MAGI1: variants seen among roughly 807,000 people sequenced by gnomAD.
The protein encoded by MAGI1 is membrane-associated guanylate kinase, WW and PDZ domain-containing protein 1.
MAGI1 carries 58 observed loss-of-function variants against 139.9 expected under a neutral mutation model. That is an observed-to-expected ratio of 0.41 (90% confidence interval 0.34 to 0.52). The LOEUF (loss-of-function observed/expected upper bound fraction) is 0.52, where lower values mean the gene tolerates loss of function less well. Among genes scored for constraint, MAGI1 ranks in the 20% least tolerant of loss-of-function variants. MAGI1 has a pLI of 0.12. For missense variants in MAGI1, 1,874 were observed against 1,901.6 expected (o/e 0.99, Z 0.27); for synonymous variants, 812 against 737.9 (o/e 1.10, Z -1.63).
chr3:65,508,759 CAAAAG>C (rs1466256608), intron 2 of MAGI1, among the ~76,000 whole-genome samples: 1 of 152,088 alleles, frequency 6.6e-6, no homozygotes, highest in African/African-American at 2.4e-5. Context: ...ATATAAATAA[CAAAAG>C]AAAAAACTGG....
intron 1 of MAGI1, among the ~76,000 whole-genome samples, chr3:65,711,889 C>T (rs901491101): frequency 6.6e-5 from 10 of 152,152 alleles, no homozygotes; most frequent in Admixed American, 2.0e-4. Context: ...ATGGCAGCCT[C>T]GGCAAATTAA....
intron 1 of MAGI1, among the ~76,000 whole-genome samples, chr3:65,879,845 C>G (rs1055256065): frequency 1.3e-5 from 2 of 152,198 alleles, no homozygotes; most frequent in African/African-American, 4.8e-5. Context: ...GTGGGCTGAA[C>G]TGGGTCTGTC....
chr3:66,033,148 C>G (rs1313469192), intron 1 of MAGI1, among the ~76,000 whole-genome samples: 3 of 151,890 alleles, frequency 2.0e-5, no homozygotes, highest in Non-Finnish European at 2.9e-5. Flanking sequence ...CCCACTCTGC[C>G]TCCCGAGTAG....
Position 65,578,927 on chromosome 3 carries a change from G to C in MAGI1, c.430+43045C>G, listed in dbSNP as rs1421193930. On this transcript the variant is annotated intron_variant, in intron 2 of 22. Coordinates refer to ENST00000402939, the MANE Select transcript of MAGI1 (RefSeq NM_001033057.2). Reference sequence around the variant, plus strand: ...CAGAGTAACACTCTGTCTCCAAAGAGAGAGAGAGAGAGAGAGAGACAGAGA... The same window carrying C: ...CAGAGTAACACTCTGTCTCCAAAGACAGAGAGAGAGAGAGAGAGACAGAGA... Among the ~76,000 whole-genome samples, 5 of 144,268 alleles carry C rather than the reference G, an allele frequency of 3.5e-5. No homozygotes were observed. In the East Asian group the frequency reaches 6.0e-4, roughly 17 times the overall value. The allele number at this position is 144,268 out of a possible 152,430, so 94.6% of individuals were successfully genotyped here. A position where few individuals can be genotyped will look rare whatever the true frequency, so the allele number is the denominator to read the frequency against.
At chr3:65,562,725 T>G (rs2080418922) in intron 2 of MAGI1, among the ~76,000 whole-genome samples, 1 of 152,200 alleles carries the variant, frequency 6.6e-6, no homozygotes, top group Non-Finnish European at 1.5e-5. Context: ...AGAAAGAACT[T>G]GTGGGACATC....
At chr3:65,537,734 A>G (rs2079026818) in intron 2 of MAGI1, among the ~76,000 whole-genome samples, 2 of 152,212 alleles carry the variant, frequency 1.3e-5, no homozygotes, top group Non-Finnish European at 2.9e-5. Context: ...AAAGGAAACA[A>G]TTGTTATTTA....
At chr3:65,371,850 T>C (rs1484545346) in intron 18 of MAGI1, 5 of 422,604 alleles carry the variant, frequency 1.2e-5, no homozygotes, top group African/African-American at 6.1e-5. Flanking sequence ...TATCATGAGA[T>C]TACGGCAATT....
chr3:65,554,625 T>C (rs139102578), intron 2 of MAGI1, among the ~76,000 whole-genome samples: 1 of 152,280 alleles, frequency 6.6e-6, no homozygotes. Flanking sequence ...ACAGTTCATT[T>C]TGCCTGAAAA....
At chr3:65,579,608 G>A (rs2081325441) in intron 2 of MAGI1, among the ~76,000 whole-genome samples, 2 of 152,312 alleles carry the variant, frequency 1.3e-5, no homozygotes, top group South Asian at 4.1e-4. Context: ...CACTTTGGGA[G>A]GCCAAGGCGG....
intron 1 of MAGI1, among the ~76,000 whole-genome samples, chr3:65,886,427 A>G (rs2060534288): frequency 6.6e-6 from 1 of 152,222 alleles, no homozygotes; most frequent in Non-Finnish European, 1.5e-5. Flanking sequence ...GATCTTCAGC[A>G]AAGACTGAGT....
intron 1 of MAGI1, among the ~76,000 whole-genome samples, chr3:65,905,165 A>G (rs2061386409): frequency 6.6e-6 from 1 of 152,220 alleles, no homozygotes; most frequent in Non-Finnish European, 1.5e-5. Context: ...AAATGATATG[A>G]TATTCAGCTA....
chr3:65,617,659 G>A (rs1410621367), intron 2 of MAGI1, among the ~76,000 whole-genome samples: 1 of 152,104 alleles, frequency 6.6e-6, no homozygotes, highest in Non-Finnish European at 1.5e-5. Context: ...GTCCTTATCA[G>A]TCATCTATGA....
intron 1 of MAGI1, among the ~76,000 whole-genome samples, chr3:65,806,476 A>C (rs1387544509): frequency 6.6e-6 from 1 of 152,170 alleles, no homozygotes; most frequent in Non-Finnish European, 1.5e-5. Context: ...TAATAGGGCA[A>C]ACGCCGAGCT....
intron 1 of MAGI1, among the ~76,000 whole-genome samples, chr3:65,971,188 C>T (rs2064999083): frequency 6.6e-6 from 1 of 152,162 alleles, no homozygotes; most frequent in African/African-American, 2.4e-5. Flanking sequence ...GGAAACAGAG[C>T]GAGACTCCGT....
chr3:65,816,338 G>T (rs533644884), intron 1 of MAGI1, among the ~76,000 whole-genome samples: 1 of 152,094 alleles, frequency 6.6e-6, no homozygotes, highest in Non-Finnish European at 1.5e-5. Context: ...TGTCCAATGT[G>T]GTCGCCAATG....
chr3:65,654,109 GTTACT>G (rs2085734858), intron 1 of MAGI1, among the ~76,000 whole-genome samples: 1 of 152,018 alleles, frequency 6.6e-6, no homozygotes, highest in African/African-American at 2.4e-5. Flanking sequence ...ACTCTAAATG[GTTACT>G]TTAAGTCTTT....
At chr3:65,991,453 G>C (rs73833320) in intron 1 of MAGI1, among the ~76,000 whole-genome samples, 4,840 of 152,112 alleles carry the variant, frequency 0.032, 101 homozygotes, top group African/African-American at 0.064. Context: ...CTATGAAAGT[G>C]TTCCTCTCCA....
intron 1 of MAGI1, among the ~76,000 whole-genome samples, chr3:65,794,873 C>T (rs2040022046): frequency 1.3e-5 from 2 of 148,516 alleles, no homozygotes; most frequent in South Asian, 4.2e-4. Flanking sequence ...CACAAACTAT[C>T]CGGGTATAAG....
At chr3:65,849,439 A>AC (rs997969615) in intron 1 of MAGI1, among the ~76,000 whole-genome samples, 3 of 150,842 alleles carry the variant, frequency 2.0e-5, no homozygotes, top group Non-Finnish European at 4.4e-5. Context: ...TATTTGCTGC[A>AC]CAAGTATCCT....
Sources: gnomAD v4.1 joint callset for allele counts (sites outside exome capture counted in the v4.1 genomes callset) on GRCh38, gnomAD v4.1.1 for gene constraint, MANE v1.5 for transcripts, NCBI Gene and HGNC (gene_info 2026-07-23, HGNC 2026-07-21) for gene names.